Variants in SMIM36 observed in about 807,000 individuals in gnomAD.
SMIM36 encodes small integral membrane protein 36.
At chr17:55,515,969 A>G (rs900725771), upstream of SMIM36, among the ~76,000 whole-genome samples, 3 of 152,334 alleles carry the variant, frequency 2.0e-5, no homozygotes, top group Admixed American at 6.5e-5. Flanking sequence ...TGCCCCTTAT[A>G]GACTTGAGCT....
At chr17:55,528,646 G>A in the SMIM36 span, among the ~76,000 whole-genome samples, 1 of 150,384 alleles carries the variant, frequency 6.6e-6, no homozygotes, top group African/African-American at 2.5e-5. Flanking sequence ...TCTGCCTCCC[G>A]GGTTCAAGCA....
intron 4 of SMIM36, chr17:55,454,229 GA>G (rs1452274661): frequency 2.0e-5 from 3 of 152,204 alleles, no homozygotes; most frequent in African/African-American, 7.2e-5. Flanking sequence ...GAAATGTTAA[GA>G]GATAAATGAA....
At chr17:55,501,444 A>C (rs1407832583) in intron 1 of SMIM36, among the ~76,000 whole-genome samples, 3 of 35,546 alleles carry the variant, frequency 8.4e-5, no homozygotes, top group African/African-American at 2.0e-4. Context: ...TATATTATAA[A>C]ATATAATATA....
the SMIM36 span, among the ~76,000 whole-genome samples, chr17:55,531,524 G>A: frequency 6.6e-6 from 1 of 152,186 alleles, no homozygotes; most frequent in African/African-American, 2.4e-5. Context: ...TAGGACTGAT[G>A]AACAATAAAT....
Position 55,489,116 on chromosome 17 carries a change from G to A in SMIM36, c.*175-9536C>T, listed in dbSNP as rs375334320. Among the ~76,000 whole-genome samples the A allele has an allele frequency of 2.6e-5, 4 of 152,176 alleles. No homozygotes were observed. The East Asian group carries it at 7.7e-4, about 29-fold the overall frequency. ...TGTAAGGCCGGGCACAATGACTCACGCCTGTAATCCCAGCACGTTGGGAGT... is the reference window on the plus strand; with the variant it reads ...TGTAAGGCCGGGCACAATGACTCACACCTGTAATCCCAGCACGTTGGGAGT... On this transcript the variant is annotated intron_variant, in intron 1 of 4. Transcript: ENST00000636752.
At chr17:55,493,450 T>G (rs1229806314) in intron 1 of SMIM36, among the ~76,000 whole-genome samples, 2 of 152,088 alleles carry the variant, frequency 1.3e-5, no homozygotes, top group Non-Finnish European at 2.9e-5. Flanking sequence ...GCAGAGGTGT[T>G]GGTAATATCA....
At chr17:55,527,465 A>G in the SMIM36 span, among the ~76,000 whole-genome samples, 1 of 151,882 alleles carries the variant, frequency 6.6e-6, no homozygotes, top group Non-Finnish European at 1.5e-5. Flanking sequence ...TTTTATGATC[A>G]GGTCGCTAGG....
At chr17:55,475,267 A>G (rs1272807481) in intron 3 of SMIM36, among the ~76,000 whole-genome samples, 1 of 152,166 alleles carries the variant, frequency 6.6e-6, no homozygotes, top group Non-Finnish European at 1.5e-5. Flanking sequence ...TCCTGGTACT[A>G]TCCCCAATCC....
intron 3 of SMIM36, among the ~76,000 whole-genome samples, chr17:55,473,900 G>A (rs576019014): frequency 1.5e-4 from 23 of 152,186 alleles, no homozygotes; most frequent in East Asian, 3.9e-4. Context: ...ACAGCCCGGC[G>A]CGTCACCCTG....
the SMIM36 span, among the ~76,000 whole-genome samples, chr17:55,530,465 A>G: frequency 6.6e-6 from 1 of 152,290 alleles, no homozygotes; most frequent in East Asian, 1.9e-4. Context: ...GAGCTAATTA[A>G]TACAGACTGC....
At chr17:55,520,362 C>G in the SMIM36 span, among the ~76,000 whole-genome samples, 3 of 152,140 alleles carry the variant, frequency 2.0e-5, no homozygotes, top group African/African-American at 7.2e-5. Context: ...ATCTTAGCAA[C>G]CTCTAGCATA....
intron 3 of SMIM36, among the ~76,000 whole-genome samples, chr17:55,471,858 G>T (rs1335026886): frequency 1.3e-5 from 2 of 152,166 alleles, no homozygotes; most frequent in Non-Finnish European, 2.9e-5. Flanking sequence ...CTCTGTGTCT[G>T]CCTGAGGCAG....
chr17:55,524,606 A>G, the SMIM36 span, among the ~76,000 whole-genome samples: 1 of 152,152 alleles, frequency 6.6e-6, no homozygotes, highest in Non-Finnish European at 1.5e-5. Flanking sequence ...TTTTGGTAGT[A>G]ACTATTCTGA....
chr17:55,498,507 T>G (rs1420359928), intron 1 of SMIM36, among the ~76,000 whole-genome samples: 1 of 152,096 alleles, frequency 6.6e-6, no homozygotes, highest in African/African-American at 2.4e-5. Context: ...GTGGCCTCAT[T>G]TTTTTTGAAA....
chr17:55,456,993 C>G (rs1403885581), intron 4 of SMIM36, among the ~76,000 whole-genome samples: 2 of 152,112 alleles, frequency 1.3e-5, no homozygotes, highest in African/African-American at 4.8e-5. Flanking sequence ...TTCAGATTTC[C>G]TGTGTGAGAG....
the SMIM36 span, among the ~76,000 whole-genome samples, chr17:55,527,442 C>T: frequency 6.6e-5 from 10 of 152,238 alleles, no homozygotes; most frequent in South Asian, 8.3e-4. Flanking sequence ...GAACATTTGG[C>T]GCAATCCACT....
chr17:55,487,488 C>T (rs16955984), intron 1 of SMIM36, among the ~76,000 whole-genome samples: 4,017 of 152,174 alleles, frequency 0.026, 191 homozygotes, highest in African/African-American at 0.091. Context: ...GGAGGCACAT[C>T]GGCTGATCTC....
rs1908978013 is a variant in SMIM36, at chr17:55,454,298, G to C, written c.*532-4000C>G. 3.3e-5 allele frequency among the ~76,000 whole-genome samples: 5 copies of C among 152,202 alleles called. No individual in the cohort carries two copies. In the South Asian group the frequency reaches 6.2e-4, roughly 19 times the overall value. ...CTTTCAAAATAAGATAGGAAAAACTGAGAAAGGAAAGTGTCCTGTAGCATT... is the reference window on the plus strand; with the variant it reads ...CTTTCAAAATAAGATAGGAAAAACTCAGAAAGGAAAGTGTCCTGTAGCATT... On this transcript the variant is annotated intron_variant, in intron 4 of 4. Transcript: ENST00000636752.
At chr17:55,460,449 AAAC>A (rs202063038) in intron 4 of SMIM36, among the ~76,000 whole-genome samples, 70 of 74,636 alleles carry the variant, frequency 9.4e-4, no homozygotes, top group Middle Eastern at 9.4e-3. Flanking sequence ...ACAAAAAACA[AAAC>A]AAAAAAAAAG....
Sources: allele counts gnomAD v4.1 joint callset (sites outside exome capture counted in the v4.1 genomes callset), GRCh38; gene constraint gnomAD v4.1.1; transcripts MANE v1.5; gene names NCBI Gene and HGNC (gene_info 2026-07-23, HGNC 2026-07-21).